The following PARD3B variants were observed in gnomAD, a reference collection of about 807,000 sequenced individuals.
The protein encoded by PARD3B is partitioning defective 3 homolog B.
A neutral mutation model predicts 130.2 loss-of-function variants in PARD3B; 103 were observed. That is an observed-to-expected ratio of 0.79 (90% CI 0.67 to 0.93). PARD3B has a LOEUF of 0.93. Ranked by LOEUF, PARD3B falls within the 40% of genes least tolerant of loss-of-function variation. The pLI is 0.00. For missense variants in PARD3B, 1,609 were observed against 1,499.2 expected (o/e 1.07, Z -1.21); for synonymous variants, 583 against 553.2 (o/e 1.05, Z -0.76).
intron 1 of PARD3B, among the ~76,000 whole-genome samples, chr2:204,680,788 G>C (rs2036788948): frequency 6.6e-6 from 1 of 151,832 alleles, no homozygotes; most frequent in Non-Finnish European, 1.5e-5. Context: ...AAACAGCTGG[G>C]CATTTTTGAG....
rs1483562456 is a variant in PARD3B at position 204,692,651 on chromosome 2, A to C, written c.222+6369A>C. On this transcript the variant is annotated intron_variant, in intron 2 of 22. Transcript: ENST00000406610. The stretch of plus-strand genomic sequence containing the variant: ...GATGTGTTTTTGTTTTTCCTTCAAA[A>C]AGTCTTACTTTGGTTCATGGGAGTT... 2.0e-5 allele frequency among the ~76,000 whole-genome samples: 3 copies of C among 152,136 alleles called. No homozygotes were observed. The East Asian group carries it at 5.8e-4, about 29-fold the overall frequency.
At chr2:205,210,777 T>C (rs988153333) in intron 15 of PARD3B, among the ~76,000 whole-genome samples, 23 of 152,078 alleles carry the variant, frequency 1.5e-4, no homozygotes, top group African/African-American at 5.1e-4. Context: ...ATTTTACTTT[T>C]AAAATCACTT....
rs1203625008 is a variant in PARD3B, at chr2:205,276,988, A to G, written c.2186-23542A>G. Among the ~76,000 whole-genome samples, 1 of 152,208 alleles carries G rather than the reference A, an allele frequency of 6.6e-6. No individual in the cohort carries two copies. The highest frequency in any genetic ancestry group is 1.5e-5 in the Non-Finnish European group (1 of 68,034). On this transcript the variant is annotated intron_variant, in intron 16 of 22. Coordinates refer to ENST00000406610, the MANE Select transcript of PARD3B (RefSeq NM_001302769.2). The surrounding 1 kb of genome is among the most constrained non-coding windows in gnomAD (Gnocchi z 5.0). The stretch of plus-strand genomic sequence containing the variant: ...TTCTGGCACCTAGGACAACCTCCAT[A>G]CCTGCTAGTTGTTATGTTTGAGTGA...
intron 18 of PARD3B, among the ~76,000 whole-genome samples, chr2:205,390,332 T>G (rs1356895621): frequency 6.6e-6 from 1 of 151,500 alleles, no homozygotes; most frequent in African/African-American, 2.4e-5. Flanking sequence ...ATACTTTCTG[T>G]GATGTGCAGC....
intron 20 of PARD3B, among the ~76,000 whole-genome samples, chr2:205,464,632 A>G (rs1367771940): frequency 6.6e-6 from 1 of 152,176 alleles, no homozygotes; most frequent in Non-Finnish European, 1.5e-5. Context: ...TCTTCACTAA[A>G]ACCTTTCTCT....
At chr2:205,279,067 T>A (rs1203691551) in intron 16 of PARD3B, among the ~76,000 whole-genome samples, 2 of 13,558 alleles carry the variant, frequency 1.5e-4, no homozygotes, top group Admixed American at 1.7e-3. Context: ...CAAGAATCTG[T>A]CTCAAAAAAA....
chr2:205,046,646 CT>C (rs1698806917), intron 3 of PARD3B, among the ~76,000 whole-genome samples: 1 of 152,052 alleles, frequency 6.6e-6, no homozygotes, highest in African/African-American at 2.4e-5. Context: ...GCTGGAATCG[CT>C]TCAGAGGTTT....
intron 2 of PARD3B, among the ~76,000 whole-genome samples, chr2:204,952,573 C>T (rs1689866421): frequency 1.3e-5 from 2 of 151,940 alleles, no homozygotes; most frequent in South Asian, 4.1e-4. Flanking sequence ...AAATAAAAGA[C>T]AACTTCAGTA....
rs529962998 is a variant in PARD3B, at chr2:204,560,602, CTGTTTGAAGGTAAACATGTATGTTT to C, written c.120+14494_120+14518del. Among the ~76,000 whole-genome samples, 4 of 151,974 alleles carry C rather than the reference CTGTTTGAAGGTAAACATGTATGTTT, an allele frequency of 2.6e-5. No homozygotes were observed. The East Asian group carries it at 7.8e-4, about 30-fold the overall frequency. On this transcript the variant is annotated intron_variant, in intron 1 of 22. Transcript: ENST00000406610. Reference sequence around the variant, plus strand: ...AGGGAGGGGTGGGGGCAGCCTACCGCTGTTTGAAGGTAAACATGTATGTTTTGTTTGAAGGAGGAGGTTGGGGAGA... The same window carrying C: ...AGGGAGGGGTGGGGGCAGCCTACCGCTGTTTGAAGGAGGAGGTTGGGGAGA...
At chr2:205,201,332 A>AT (rs11400793) in intron 15 of PARD3B, among the ~76,000 whole-genome samples, 84,877 of 151,872 alleles carry the variant, frequency 0.56, 24,033 homozygotes, top group East Asian at 0.72. Context: ...ATCGAAAAGG[A>AT]TAACAGTGAT....
chr2:204,757,689 C>T (rs904597712), intron 2 of PARD3B, among the ~76,000 whole-genome samples: 5 of 152,086 alleles, frequency 3.3e-5, no homozygotes, highest in Admixed American at 1.3e-4. Context: ...ATGAAACTAG[C>T]GATTTTAAAA....
chr2:205,441,501 T>A (rs1054754230), intron 20 of PARD3B, among the ~76,000 whole-genome samples: 1 of 152,166 alleles, frequency 6.6e-6, no homozygotes, highest in African/African-American at 2.4e-5. Flanking sequence ...GCTTGACGTC[T>A]GGAGGGAGGT....
At chr2:204,649,807 A>G (rs991477037) in intron 1 of PARD3B, among the ~76,000 whole-genome samples, 7 of 152,210 alleles carry the variant, frequency 4.6e-5, no homozygotes, top group African/African-American at 1.7e-4. Flanking sequence ...AAAACTATAA[A>G]AAGCTGGAAG....
At chr2:205,000,230 G>A (rs1694715903) in intron 3 of PARD3B, among the ~76,000 whole-genome samples, 1 of 152,184 alleles carries the variant, frequency 6.6e-6, no homozygotes, top group South Asian at 2.1e-4. Flanking sequence ...GGTAATGGGT[G>A]CAGTGGTGCA....
intron 22 of PARD3B, among the ~76,000 whole-genome samples, chr2:205,566,358 ATGT>A (rs1427882175): frequency 6.6e-6 from 1 of 152,174 alleles, no homozygotes; most frequent in East Asian, 1.9e-4. Flanking sequence ...CCAGGGACAG[ATGT>A]TGATAGTATG....
At chr2:205,517,874 T>G (rs537199536) in intron 21 of PARD3B, among the ~76,000 whole-genome samples, 1 of 152,322 alleles carries the variant, frequency 6.6e-6, no homozygotes, top group East Asian at 1.9e-4. Flanking sequence ...TTGTTTAATA[T>G]CCATCTAATT....
chr2:204,545,976 C>G lies in PARD3B; in HGVS notation c.-24C>G. The G allele has an allele frequency of 6.5e-7, 1 of 1,546,368 alleles. No individual in the cohort carries two copies. Among genetic ancestry groups the G allele is most frequent in the Non-Finnish European group, 8.7e-7 (1 of 1,145,956 alleles). The stretch of plus-strand genomic sequence containing the variant: ...GGGTCAGACACCTGTTCGGCCCGGC[C>G]CGGCGTGGTCGCCGGGGGCCAGGAT... On this transcript the variant is annotated 5_prime_UTR_variant, in exon 1 of 23. Coordinates refer to ENST00000406610, the MANE Select transcript of PARD3B (RefSeq NM_001302769.2).
In PARD3B at chr2:204,669,437, CTATATATTTTA is replaced by C. The variant is rs1259296498; in HGVS notation, c.121-16739_121-16729del. ...TCTAAGTACATTTTGGCATAACTCA[CTATATATTTTA>C]TATAAAGTCACCTCTTATAACTTGC... On this transcript the variant is annotated intron_variant, in intron 1 of 22. Coordinates refer to ENST00000406610, the MANE Select transcript of PARD3B (RefSeq NM_001302769.2). This position sits in a 1 kb window ranked among gnomAD's most constrained non-coding sequence, Gnocchi z 4.3. Among the ~76,000 whole-genome samples the C allele has an allele frequency of 6.6e-6, 1 of 152,094 alleles. No homozygotes were observed. The highest frequency in any genetic ancestry group is 1.5e-5 in the Non-Finnish European group (1 of 68,016).
At chr2:204,977,053 T>A (rs964625130) in intron 3 of PARD3B, among the ~76,000 whole-genome samples, 2 of 152,212 alleles carry the variant, frequency 1.3e-5, no homozygotes, top group Admixed American at 6.5e-5. Context: ...AATTAAATTT[T>A]GGTTTTTCTC....
Sources: gnomAD v4.1 joint callset for allele counts (sites outside exome capture counted in the v4.1 genomes callset) on GRCh38, gnomAD v4.1.1 for gene constraint, Gnocchi (gnomAD v3.1) non-coding constraint, MANE v1.5 for transcripts, NCBI Gene and HGNC (gene_info 2026-07-23, HGNC 2026-07-21) for gene names.